The following TAF1A variants were observed in gnomAD, a reference collection of about 807,000 sequenced individuals.
TAF1A encodes the protein TATA box-binding protein-associated factor RNA polymerase I subunit A.
TAF1A carries 42 observed loss-of-function variants against 61.6 expected under a neutral mutation model. That is an observed-to-expected ratio of 0.68 (90% confidence interval 0.53 to 0.88). The LOEUF (loss-of-function observed/expected upper bound fraction) is 0.88. TAF1A is among the 40% of genes least tolerant of loss of function. The pLI, the probability that TAF1A is intolerant of heterozygous loss-of-function variation, is 0.00. For missense variants in TAF1A, 424 were observed against 518.7 expected (o/e 0.82, Z 1.77); for synonymous variants, 179 against 177.7 (o/e 1.01, Z -0.06).
Position 222,576,483 on chromosome 1 carries a change from G to A in TAF1A, c.604+962C>T, listed in dbSNP as rs143455650. On this transcript the variant is annotated intron_variant, in intron 5 of 10. Coordinates refer to ENST00000352967, the MANE Select transcript of TAF1A (RefSeq NM_005681.4). Reference sequence around the variant, plus strand: ...TAATCATAGAGATTAGGTTAATCTCGAGGATTATCCCCTACGGAGAAACTA... The same window carrying A: ...TAATCATAGAGATTAGGTTAATCTCAAGGATTATCCCCTACGGAGAAACTA... Among the ~76,000 whole-genome samples the A allele has an allele frequency of 4.0e-3, 614 of 152,286 alleles. 5 individuals carry two copies. The highest frequency in any genetic ancestry group is 6.2e-3 in the Non-Finnish European group (420 of 68,024).
rs1162683438 is a variant in TAF1A at position 222,569,605 on chromosome 1, C to A, written c.799G>T (p.Glu267Ter). 1 of 1,613,980 alleles carries A rather than the reference C, an allele frequency of 6.2e-7. No individual in the cohort carries two copies. Among genetic ancestry groups the A allele is most frequent in the Admixed American group, 1.7e-5 (1 of 60,000 alleles). The change falls in exon 7 of 11, where the codon GAA (glutamate) becomes TAA (stop). Residue 267 changes from glutamate to a stop codon, truncating the protein, a stop_gained. Transcript: ENST00000352967. LOFTEE classifies it high-confidence loss of function. The part of the protein sequence containing the change: ...QEVLTNYAYD[E>*]KFPSNPNAHI... Reference sequence around the variant, plus strand: ...GCATTTGGATTTGATGGAAACTTTTCATCATATGCATAATTGGTGAGTACC... The same window carrying A: ...GCATTTGGATTTGATGGAAACTTTTAATCATATGCATAATTGGTGAGTACC...
intron 7 of TAF1A, among the ~76,000 whole-genome samples, chr1:222,566,810 T>C (rs758415879): frequency 2.6e-5 from 4 of 152,062 alleles, no homozygotes; most frequent in Non-Finnish European, 5.9e-5. Context: ...AAAAAGGGGA[T>C]GGAGAATAGA....
chr1:222,566,371 G>A (rs1660117974), intron 7 of TAF1A, among the ~76,000 whole-genome samples: 2 of 152,078 alleles, frequency 1.3e-5, no homozygotes, highest in Non-Finnish European at 2.9e-5. Flanking sequence ...CCAGTGTGAG[G>A]GTCAAGGATG....
chr1:222,561,060 T>C (rs1659893788), intron 10 of TAF1A, among the ~76,000 whole-genome samples: 1 of 152,170 alleles, frequency 6.6e-6, no homozygotes, highest in Admixed American at 6.5e-5. Context: ...AAAATCTCAG[T>C]AAACTTTCTA....
downstream of TAF1A, among the ~76,000 whole-genome samples, chr1:222,556,642 A>T (rs562502134): frequency 8.5e-5 from 13 of 152,346 alleles, no homozygotes; most frequent in African/African-American, 3.1e-4. Flanking sequence ...ACCTAAAAAA[A>T]GTTTCACAGG....
At position 222,584,309 on chromosome 1, in the gene TAF1A, A is replaced by G; in HGVS notation, c.122-12T>C. 6.4e-7 allele frequency: 1 copy of G among 1,570,184 alleles called. No homozygotes were observed. On this transcript the variant is annotated splice_polypyrimidine_tract_variant and intron_variant, in intron 2 of 10. Transcript: ENST00000352967. ...TTTCCCTCCAATGGCTATAAAAACG[A>G]AAAAGAAGAGAGTTTTTATCCAAGT...
intron 5 of TAF1A, among the ~76,000 whole-genome samples, chr1:222,575,656 CCAAGTA>C (rs1302447164): frequency 2.0e-5 from 3 of 152,174 alleles, no homozygotes; most frequent in Non-Finnish European, 4.4e-5. Context: ...CAAGCTGACT[CCAAGTA>C]CAAGTTCACA....
intron 3 of TAF1A, among the ~76,000 whole-genome samples, chr1:222,581,422 A>T (rs1660785715): frequency 6.6e-6 from 1 of 152,192 alleles, no homozygotes; most frequent in Non-Finnish European, 1.5e-5. Context: ...CTGTGTTAGT[A>T]AAACCTATGA....
Position 222,588,568 on chromosome 1 carries a change from A to T in TAF1A, c.-2-3T>A. 1.2e-6 allele frequency: 2 copies of T among 1,611,970 alleles called. No homozygotes were observed. Among genetic ancestry groups the T allele is most frequent in the Non-Finnish European group, 1.7e-6 (2 of 1,179,302 alleles). ...TTCTTCACTGAAATCACTCATACCT[A>T]TTACAAGATGAGATATCAGTTACTT... On this transcript the variant is annotated splice_region_variant and splice_polypyrimidine_tract_variant and intron_variant, in intron 1 of 10. Coordinates refer to ENST00000352967, the MANE Select transcript of TAF1A (RefSeq NM_005681.4).
rs1660263299 is a variant in TAF1A, at chr1:222,569,575, T to C, written c.829A>G (p.Ile277Val). 6.2e-7 allele frequency: 1 copy of C among 1,613,960 alleles called. No homozygotes were observed. The highest frequency in any genetic ancestry group is 1.7e-5 in the Admixed American group (1 of 59,982). Residue 277 changes from isoleucine (I) to valine (V), a missense_variant, in exon 7 of 11, where the codon ATC (isoleucine) becomes GTC (valine). Transcript: ENST00000352967. ...CTCTTTAGAAAGTTGTATAAGTAGA[T>C]ATGGGCATTTGGATTTGATGGAAAC... Reference protein sequence around the residue: ...EKFPSNPNAHIYLYNFLKRQK... With the variant: ...EKFPSNPNAHVYLYNFLKRQK...
intron 9 of TAF1A, among the ~76,000 whole-genome samples, chr1:222,562,916 T>A (rs755797393): frequency 6.6e-6 from 1 of 152,122 alleles, no homozygotes; most frequent in African/African-American, 2.4e-5. Flanking sequence ...GGAAAACACA[T>A]ACGTATTCCT....
chr1:222,572,136 T>C (rs2102654899), intron 5 of TAF1A, among the ~76,000 whole-genome samples: 1 of 151,548 alleles, frequency 6.6e-6, no homozygotes, highest in South Asian at 2.1e-4. Flanking sequence ...CAGGAATCGC[T>C]TGAACCTGGA....
chr1:222,573,649 C>G (rs1660449808), intron 5 of TAF1A, among the ~76,000 whole-genome samples: 1 of 152,070 alleles, frequency 6.6e-6, no homozygotes, highest in Non-Finnish European at 1.5e-5. Flanking sequence ...TACACCGCTA[C>G]TGGGGATGTA....
intron 2 of TAF1A, among the ~76,000 whole-genome samples, chr1:222,587,862 C>A (rs1356158015): frequency 6.6e-6 from 1 of 151,898 alleles, no homozygotes; most frequent in Admixed American, 6.6e-5. Context: ...GAACAGCCTG[C>A]CCAACATGGT....
intron 7 of TAF1A, chr1:222,568,778 T>C (rs773030452): frequency 6.6e-6 from 1 of 152,224 alleles, no homozygotes; most frequent in African/African-American, 2.4e-5. Context: ...CATGAAAATA[T>C]ATGTGTATAC....
Position 222,568,098 on chromosome 1 carries a change from C to A in TAF1A, c.894+1412G>T, listed in dbSNP as rs369181253. ...GAACAACCACATGGGAAAAAATGAA[C>A]CTTGACCTTTGCCACACACTACCCA... On this transcript the variant is annotated intron_variant, in intron 7 of 10. Transcript: ENST00000352967. Among the ~76,000 whole-genome samples, 25 of 150,988 alleles carry A rather than the reference C, an allele frequency of 1.7e-4. No homozygotes were observed. The South Asian group carries it at 2.1e-3, about 13-fold the overall frequency.
chr1:222,576,249 A>G (rs1004300395), intron 5 of TAF1A, among the ~76,000 whole-genome samples: 2 of 152,202 alleles, frequency 1.3e-5, no homozygotes, highest in African/African-American at 4.8e-5. Context: ...GAGACTCTAC[A>G]AAGGCCTCAC....
Position 222,577,450 on chromosome 1 carries a change from T to G in TAF1A, c.599A>C (p.Lys200Thr). Reference protein sequence around the residue: ...TWSEKKMELSKLDKDDYAYNA... With the variant: ...TWSEKKMELSTLDKDDYAYNA... ...GTTTACCTGTATTCACTTACCAAGC[T>G]TTGACAATTCCATCTTCTTTTCAGA... Residue 200 changes from lysine to threonine, a missense_variant, in exon 5 of 11, where the codon AAG becomes ACG. Coordinates refer to ENST00000352967, the MANE Select transcript of TAF1A (RefSeq NM_005681.4). The G allele has an allele frequency of 1.2e-6, 2 of 1,613,734 alleles. No homozygotes were observed. The highest frequency in any genetic ancestry group is 1.7e-6 in the Non-Finnish European group (2 of 1,179,730).
intron 6 of TAF1A, among the ~76,000 whole-genome samples, chr1:222,570,255 C>G (rs541440294): frequency 6.6e-6 from 1 of 152,188 alleles, no homozygotes; most frequent in East Asian, 1.9e-4. Flanking sequence ...CCCACCAAAT[C>G]ATAAGGTATC....
Sources: gnomAD v4.1 joint callset for allele counts (sites outside exome capture counted in the v4.1 genomes callset) on GRCh38, gnomAD v4.1.1 for gene constraint, MANE v1.5 for transcripts, NCBI Gene and HGNC (gene_info 2026-07-23, HGNC 2026-07-21) for gene names.